Variants in B9D2 observed in about 807,000 individuals in gnomAD.
B9D2 encodes the protein B9 domain-containing protein 2.
Under a neutral mutation model 19.2 loss-of-function variants are expected in B9D2, and 21 were observed. The ratio of observed to expected loss-of-function variants is 1.09; its 90% CI spans 0.78 to 1.58. The LOEUF (loss-of-function observed/expected upper bound fraction) is 1.58. Ranked by LOEUF, B9D2 falls within the 40% of genes most tolerant of loss-of-function variation. B9D2 has a pLI of 0.00. For missense variants in B9D2, 221 were observed against 244.3 expected, an observed-to-expected ratio of 0.90 and a Z score of 0.64; for synonymous variants, 91 against 100.6, an observed-to-expected ratio of 0.90 and a Z score of 0.57.
At chr19:41,357,607 T>C (rs1031860194) in intron 3 of B9D2, among the ~76,000 whole-genome samples, 1 of 152,046 alleles carries the variant, frequency 6.6e-6, no homozygotes, top group Admixed American at 6.6e-5. Context: ...TATTGGAGAC[T>C]CTCGTTTTGT....
chr19:41,354,706 C>T lies in B9D2; in HGVS notation c.522G>A (p.Glu174=), dbSNP rs1339270072. 4 of 1,614,084 alleles carry T rather than the reference C, an allele frequency of 2.5e-6. No individual in the cohort carries two copies. The highest frequency in any genetic ancestry group is 1.7e-4 in the Middle Eastern group (1 of 6,060). ...LLRNFDRYGV[E]C ...ACGTTGGAGGCAGAGTCCCTCAGCACTCCACGCCGTAGCGGTCGAAGTTGC... is the reference window on the plus strand; with the variant it reads ...ACGTTGGAGGCAGAGTCCCTCAGCATTCCACGCCGTAGCGGTCGAAGTTGC... The change falls in exon 4 of 4, where the codon GAG becomes GAA. Residue 174 remains glutamate, a synonymous_variant. Coordinates refer to ENST00000243578, the MANE Select transcript of B9D2 (RefSeq NM_030578.4).
chr19:41,354,777 T>C lies in B9D2; in HGVS notation c.451A>G (p.Thr151Ala), dbSNP rs528692347. The change falls in exon 4 of 4, where the codon ACA becomes GCA. Residue 151 changes from threonine (T) to alanine (A), a missense_variant. Physicochemically the swap from Thr to Ala is moderately conservative, Grantham distance 58 (BLOSUM62 0). Transcript: ENST00000243578. ...AGGTGCACGGTGCCACCAGCAGCTGTGTGCAGGCGATAGCGGTCGGCCCCA... is the reference window on the plus strand; with the variant it reads ...AGGTGCACGGTGCCACCAGCAGCTGCGTGCAGGCGATAGCGGTCGGCCCCA... ...YSGADRYRLH[T>A]AAGGTVHLEI... 1.9e-6 allele frequency: 3 copies of C among 1,614,018 alleles called. No homozygotes were observed.
intron 2 of B9D2, among the ~76,000 whole-genome samples, chr19:41,358,377 G>A (rs976281195): frequency 6.6e-5 from 10 of 152,020 alleles, no homozygotes; most frequent in African/African-American, 2.4e-4. Flanking sequence ...CAAGGTGGAG[G>A]AGCCCCATCT....
rs377114529 is a variant in B9D2 at position 41,354,843 on chromosome 19, C to G, written c.385G>C (p.Gly129Arg). Residue 129 changes from glycine to arginine, a missense_variant, in exon 4 of 4, where the codon GGT becomes CGT. Physicochemically the swap from Gly to Arg is moderately radical, Grantham distance 125 (BLOSUM62 -2). Transcript: ENST00000243578. ...WREQLARAFV[G>R]GGPQLLHGDT... ...CCATGCAGCAGCTGCGGCCCACCAC[C>G]CACGAAAGCCCGTGCCAACTGTTCT... 1 of 1,613,832 alleles carries G rather than the reference C, an allele frequency of 6.2e-7. No homozygotes were observed. Among genetic ancestry groups the G allele is most frequent in the African/African-American group, 1.3e-5 (1 of 74,944 alleles).
Position 41,356,572 on chromosome 19 carries a change from G to A in B9D2, c.214+1325C>T, listed in dbSNP as rs776617641. Among the ~76,000 whole-genome samples, 7 of 152,004 alleles carry A rather than the reference G, an allele frequency of 4.6e-5. No homozygotes were observed. The East Asian group carries it at 7.7e-4, about 17-fold the overall frequency. On this transcript the variant is annotated intron_variant, in intron 3 of 3. Transcript: ENST00000243578. ...TAAAAGTGAAATCTCAGCCAGGCGCGGTGGCTCATGCCTGTAATCCCAGCA... is the reference window on the plus strand; with the variant it reads ...TAAAAGTGAAATCTCAGCCAGGCGCAGTGGCTCATGCCTGTAATCCCAGCA...
chr19:41,356,265 T>G (rs1432620900), intron 3 of B9D2, among the ~76,000 whole-genome samples: 1 of 152,092 alleles, frequency 6.6e-6, no homozygotes, highest in Non-Finnish European at 1.5e-5. Flanking sequence ...AGAGACAAGA[T>G]TCTTGTCATA....
In B9D2 at chr19:41,363,330, T is replaced by C. The variant is rs79033882; in HGVS notation, c.88+102A>G. ...CTGGGCCTGGAGTACTGAGAACTGATGGAAATGAGGTTAAGAGTCTGCGTT... is the reference window on the plus strand; with the variant it reads ...CTGGGCCTGGAGTACTGAGAACTGACGGAAATGAGGTTAAGAGTCTGCGTT... On this transcript the variant is annotated intron_variant, in intron 2 of 3. Coordinates refer to ENST00000243578, the MANE Select transcript of B9D2 (RefSeq NM_030578.4). The C allele has an allele frequency of 0.02, 24,412 of 1,192,474 alleles. 322 individuals are homozygous for C. Among genetic ancestry groups the C allele is most frequent in the Non-Finnish European group, 0.026 (21,108 of 810,188 alleles). 73.9% of individuals were successfully genotyped at this position (1,192,474 alleles called of 1,614,324 possible).
chr19:41,360,539 CTT>C (rs1220763571), intron 2 of B9D2, among the ~76,000 whole-genome samples: 12 of 151,756 alleles, frequency 7.9e-5, no homozygotes, highest in Non-Finnish European at 1.6e-4. Context: ...GACTTTTGCT[CTT>C]GTTGCCCAAG....
intron 3 of B9D2, among the ~76,000 whole-genome samples, chr19:41,356,662 G>A (rs577081897): frequency 5.4e-4 from 82 of 151,752 alleles, no homozygotes; most frequent in Non-Finnish European, 1.0e-3. Context: ...TGACCACCTT[G>A]GTGAAACGCC....
At chr19:41,360,662 T>C (rs1241701188) in intron 2 of B9D2, among the ~76,000 whole-genome samples, 1 of 150,168 alleles carries the variant, frequency 6.7e-6, no homozygotes, top group South Asian at 2.1e-4. Context: ...CACGCCGCCA[T>C]GCCCAGCTAA....
At chr19:41,357,288 G>T (rs78455916) in intron 3 of B9D2, among the ~76,000 whole-genome samples, 1,953 of 152,246 alleles carry the variant, frequency 0.013, 42 homozygotes, top group African/African-American at 0.045. Flanking sequence ...ACCCTGTGAG[G>T]ACAAGGCTAA....
In B9D2 at chr19:41,354,488, G is replaced by A. The variant is rs936175272; in HGVS notation, c.*212C>T. ...GCAGCCTCCTGTCACTCAACACCCT[G>A]CGACCCCATACATTTACTGTCCCCA... On this transcript the variant is annotated 3_prime_UTR_variant, in exon 4 of 4. Coordinates refer to ENST00000243578, the MANE Select transcript of B9D2 (RefSeq NM_030578.4). 9.1e-6 allele frequency: 6 copies of A among 662,628 alleles called. No individual in the cohort carries two copies. Among genetic ancestry groups the A allele is most frequent in the Admixed American group, 2.4e-5 (1 of 42,278 alleles). 41.0% of individuals were successfully genotyped at this position (662,628 alleles called of 1,614,324 possible).
chr19:41,363,624 G>A, intron 1 of B9D2, 101 bp from the exon 2 acceptor site: 11 of 1,074,420 alleles, frequency 1.0e-5, no homozygotes, highest in Admixed American at 2.0e-5. Context: ...GTAGTACTAG[G>A]ATTCCAAGCT....
At chr19:41,363,311 C>G in intron 2 of B9D2, 121 bp downstream of exon 2, 2 of 982,334 alleles carry the variant, frequency 2.0e-6, no homozygotes, top group Non-Finnish European at 3.2e-6. Context: ...TGGGCTGGGC[C>G]TGGAGTACTG....
chr19:41,362,765 G>C (rs556241638), intron 2 of B9D2, among the ~76,000 whole-genome samples: 13 of 152,288 alleles, frequency 8.5e-5, no homozygotes, highest in Non-Finnish European at 1.8e-4. Flanking sequence ...CCTCAAACCT[G>C]TGCTGCTTCT....
At position 41,354,846 on chromosome 19, in the gene B9D2, C is replaced by T. The variant is rs764238140; in HGVS notation, c.382G>A (p.Val128Met). The T allele has an allele frequency of 1.4e-5, 22 of 1,613,824 alleles. No homozygotes were observed. Among genetic ancestry groups the T allele is most frequent in the African/African-American group, 5.3e-5 (4 of 74,930 alleles). The change falls in exon 4 of 4, where the codon GTG becomes ATG. Residue 128 changes from valine (V) to methionine (M), a missense_variant. Coordinates refer to ENST00000243578, the MANE Select transcript of B9D2 (RefSeq NM_030578.4). The part of the protein sequence containing the change: ...SWREQLARAF[V>M]GGGPQLLHGD... The stretch of plus-strand genomic sequence containing the variant: ...TGCAGCAGCTGCGGCCCACCACCCA[C>T]GAAAGCCCGTGCCAACTGTTCTCGC...
At chr19:41,363,917 C>A in intron 1 of B9D2, 41 bp downstream of exon 1, 8 of 403,128 alleles carry the variant, frequency 2.0e-5, no homozygotes, top group Admixed American at 4.2e-5. Flanking sequence ...TCAGGTCCGA[C>A]TTAACCCCGC....
chr19:41,363,898 G>A, intron 1 of B9D2, 60 bp downstream of exon 1: 1 of 469,852 alleles, frequency 2.1e-6, no homozygotes, highest in South Asian at 2.2e-5. Context: ...AGGCGCATGC[G>A]TTATGAGTTC....
chr19:41,362,660 C>T (rs1008872746), intron 2 of B9D2, among the ~76,000 whole-genome samples: 6 of 152,128 alleles, frequency 3.9e-5, no homozygotes, highest in African/African-American at 1.4e-4. Context: ...ACAAGGAAGT[C>T]GAGGTGAAGA....
Sources: gnomAD v4.1 joint callset for allele counts (sites outside exome capture counted in the v4.1 genomes callset) on GRCh38, gnomAD v4.1.1 for gene constraint, MANE v1.5 for transcripts, NCBI Gene and HGNC (gene_info 2026-07-23, HGNC 2026-07-21) for gene names.